The following DCUN1D3 variants were observed in gnomAD, a reference collection of about 807,000 sequenced individuals.
DCUN1D3 encodes the protein defective in cullin neddylation 1 domain containing 3, also known as DCN1-like protein 3.
Under a neutral mutation model 24.8 loss-of-function variants are expected in DCUN1D3, and 6 were observed. The ratio of observed to expected loss-of-function variants is 0.24; its 90% CI spans 0.13 to 0.48. The LOEUF (loss-of-function observed/expected upper bound fraction) is 0.48. DCUN1D3 is among the 20% of genes least tolerant of loss of function. The probability of loss-of-function intolerance (pLI) is 0.99; values close to 1 mark genes in which losing one functional copy is unlikely to be tolerated. For missense variants in DCUN1D3, 258 were observed against 379.4 expected (o/e 0.68, Z 2.66); for synonymous variants, 120 against 144.9 (o/e 0.83, Z 1.24).
Position 20,871,489 on chromosome 16 carries a change from C to G in DCUN1D3, c.-105-8846G>C, listed in dbSNP as rs898048104. On this transcript the variant is annotated intron_variant, in intron 1 of 2. Coordinates refer to ENST00000324344, the MANE Select transcript of DCUN1D3 (RefSeq NM_173475.4). ...CAGCCAGTTTAGCATAAAGTCATTT[C>G]TTTTTGAAAGTGTTCTCAATGTCCC... Among the ~76,000 whole-genome samples, 6 of 152,194 alleles carry G rather than the reference C, an allele frequency of 3.9e-5. No homozygotes were observed. The South Asian group carries it at 8.3e-4, about 21-fold the overall frequency.
intron 1 of DCUN1D3, among the ~76,000 whole-genome samples, chr16:20,875,135 TAAGTTC>T (rs2081807373): frequency 6.6e-6 from 1 of 151,784 alleles, no homozygotes. Context: ...AGCAGCACCA[TAAGTTC>T]TTTCAGTCAT....
chr16:20,856,094 C>T lies in DCUN1D3; in HGVS notation c.*3792G>A, dbSNP rs2081701631. ...CCTTATAATTGCATAACTGAGTCTA[C>T]ACCTTTTGGGCTTTGCTGCACTGAA... On this transcript the variant is annotated 3_prime_UTR_variant, in exon 3 of 3. Coordinates refer to ENST00000324344, the MANE Select transcript of DCUN1D3 (RefSeq NM_173475.4). 6.6e-6 allele frequency: 1 copy of T among 152,230 alleles called. No individual in the cohort carries two copies. The highest frequency in any genetic ancestry group is 2.1e-4 in the South Asian group (1 of 4,830). The allele number at this position is 152,230 out of a possible 1,614,324, so 9.4% of individuals were successfully genotyped here.
At chr16:20,897,365 A>G (rs1217544254) in intron 1 of DCUN1D3, among the ~76,000 whole-genome samples, 1 of 152,240 alleles carries the variant, frequency 6.6e-6, no homozygotes, top group Non-Finnish European at 1.5e-5. Flanking sequence ...AGTAGGTTAC[A>G]TCCCTTGGTT....
intron 1 of DCUN1D3, among the ~76,000 whole-genome samples, chr16:20,881,116 T>C (rs1352499512): frequency 6.6e-6 from 1 of 152,204 alleles, no homozygotes; most frequent in East Asian, 1.9e-4. Flanking sequence ...GTGAGAAATA[T>C]ATTTTATATC....
At chr16:20,896,602 C>T (rs1157657062) in intron 1 of DCUN1D3, among the ~76,000 whole-genome samples, 1 of 149,922 alleles carries the variant, frequency 6.7e-6, no homozygotes, top group Non-Finnish European at 1.5e-5. Flanking sequence ...GCTGATGAAA[C>T]TTCAGCCTAC....
At position 20,858,474 on chromosome 16, in the gene DCUN1D3, G is replaced by A. The variant is rs1370117634; in HGVS notation, c.*1412C>T. The A allele has an allele frequency of 6.6e-6, 1 of 151,332 alleles. No homozygotes were observed. Among genetic ancestry groups the A allele is most frequent in the Non-Finnish European group, 1.5e-5 (1 of 67,882 alleles). The allele number at this position is 151,332 out of a possible 1,614,324, so 9.4% of individuals were successfully genotyped here. On this transcript the variant is annotated 3_prime_UTR_variant, in exon 3 of 3. Transcript: ENST00000324344. ...ATTGAAGGCAGCTCCCTCTTTTATG[G>A]CCAGTATAAGCAGGCAAAGAAACAA...
rs1392338832 is a variant in DCUN1D3, at chr16:20,855,648, GGGGAAAACCC to G, written c.*4228_*4237del. On this transcript the variant is annotated 3_prime_UTR_variant, in exon 3 of 3. Transcript: ENST00000324344. ...AGAATCTATTTCATCTTTCGAAAAGGGGGAAAACCCCTGCCGATCCTCACCAACATGCAGT... is the reference window on the plus strand; with the variant it reads ...AGAATCTATTTCATCTTTCGAAAAGGCTGCCGATCCTCACCAACATGCAGT... 6.6e-6 allele frequency: 1 copy of G among 152,142 alleles called. No homozygotes were observed. Among genetic ancestry groups the G allele is most frequent in the Non-Finnish European group, 1.5e-5 (1 of 68,044 alleles). The allele number at this position is 152,142 out of a possible 1,614,324, so 9.4% of individuals were successfully genotyped here.
chr16:20,894,798 T>C (rs1386320123), intron 1 of DCUN1D3, among the ~76,000 whole-genome samples: 3 of 152,228 alleles, frequency 2.0e-5, no homozygotes, highest in Admixed American at 6.5e-5. Context: ...TTCTGATGTA[T>C]GGTATTTAAA....
At chr16:20,879,855 GA>G (rs1488921014) in intron 1 of DCUN1D3, among the ~76,000 whole-genome samples, 2 of 152,192 alleles carry the variant, frequency 1.3e-5, no homozygotes, top group Non-Finnish European at 2.9e-5. Flanking sequence ...TATTGAAGTG[GA>G]AGTCTCATTA....
At chr16:20,877,017 G>T (rs796510498) in intron 1 of DCUN1D3, among the ~76,000 whole-genome samples, 2 of 152,038 alleles carry the variant, frequency 1.3e-5, no homozygotes, top group Admixed American at 1.3e-4. Context: ...AAGACCTAGC[G>T]TTGGAAAAAT....
chr16:20,895,004 GA>G (rs889638191), intron 1 of DCUN1D3, among the ~76,000 whole-genome samples: 17 of 147,028 alleles, frequency 1.2e-4, no homozygotes, highest in Admixed American at 5.4e-4. Flanking sequence ...AAAATATTTG[GA>G]AAAAAAAAAC....
chr16:20,866,523 G>A (rs2081762971), intron 1 of DCUN1D3, among the ~76,000 whole-genome samples: 1 of 152,204 alleles, frequency 6.6e-6, no homozygotes, highest in East Asian at 1.9e-4. Flanking sequence ...GGTAGGGACA[G>A]AACAGATGGG....
chr16:20,868,341 A>G (rs771546836), intron 1 of DCUN1D3, among the ~76,000 whole-genome samples: 1 of 152,262 alleles, frequency 6.6e-6, no homozygotes, highest in African/African-American at 2.4e-5. Context: ...ACAGGAAACT[A>G]AACACAGACA....
At chr16:20,867,093 A>G (rs1028348143) in intron 1 of DCUN1D3, among the ~76,000 whole-genome samples, 1 of 152,202 alleles carries the variant, frequency 6.6e-6, no homozygotes, top group African/African-American at 2.4e-5. Context: ...ACTTTTGGGG[A>G]CATGAACTCA....
intron 2 of DCUN1D3, among the ~76,000 whole-genome samples, chr16:20,861,259 C>G (rs1249445701): frequency 1.3e-5 from 2 of 152,076 alleles, no homozygotes; most frequent in African/African-American, 4.8e-5. Flanking sequence ...AGGCGTATCC[C>G]CTCCCCAGAG....
intron 1 of DCUN1D3, among the ~76,000 whole-genome samples, chr16:20,862,989 T>C (rs2081741649): frequency 6.6e-6 from 1 of 152,230 alleles, no homozygotes; most frequent in African/African-American, 2.4e-5. Flanking sequence ...AAAAGTTATT[T>C]GGACCTGGGT....
In DCUN1D3 at chr16:20,871,176, T is replaced by C. The variant is rs1391448280; in HGVS notation, c.-105-8533A>G. On this transcript the variant is annotated intron_variant, in intron 1 of 2. Transcript: ENST00000324344. ...AGATTAGGTCTTACCCAGAGCTACTTGGGAGGGAAAGTTGATCCCTCTGCC... is the reference window on the plus strand; with the variant it reads ...AGATTAGGTCTTACCCAGAGCTACTCGGGAGGGAAAGTTGATCCCTCTGCC... Among the ~76,000 whole-genome samples, 2 of 152,234 alleles carry C rather than the reference T, an allele frequency of 1.3e-5. 1 individual carries two copies. Among genetic ancestry groups the C allele is most frequent in the Admixed American group, 1.3e-4 (2 of 15,288 alleles).
chr16:20,892,414 C>A lies in DCUN1D3; in HGVS notation c.-106+7790G>T, dbSNP rs144570604. Among the ~76,000 whole-genome samples the A allele has an allele frequency of 1.3e-4, 20 of 152,278 alleles. No individual in the cohort carries two copies. In the East Asian group the frequency reaches 3.9e-3, roughly 29 times the overall value. ...CTCATAGGACCCACACTGCTAGAGT[C>A]CCGGCACCTTCACTGTAATGGTATT... On this transcript the variant is annotated intron_variant, in intron 1 of 2. Coordinates refer to ENST00000324344, the MANE Select transcript of DCUN1D3 (RefSeq NM_173475.4).
At chr16:20,869,754 T>C (rs1425538724) in intron 1 of DCUN1D3, among the ~76,000 whole-genome samples, 1 of 152,130 alleles carries the variant, frequency 6.6e-6, no homozygotes, top group African/African-American at 2.4e-5. Context: ...AGGAAGACAA[T>C]ATAATCTTCA....
Sources: gnomAD v4.1 joint callset for allele counts (sites outside exome capture counted in the v4.1 genomes callset) on GRCh38, gnomAD v4.1.1 for gene constraint, MANE v1.5 for transcripts, NCBI Gene and HGNC (gene_info 2026-07-23, HGNC 2026-07-21) for gene names.